Variants in RAB37 observed in about 807,000 individuals in gnomAD.
The protein encoded by RAB37 is RAB37, member RAS oncogene family, also known as ras-related protein Rab-37.
In RAB37, 29 loss-of-function variants were observed where a neutral mutation model predicts 33.1. The observed-to-expected ratio is 0.88, with a 90% CI of 0.65 to 1.20. RAB37 has a LOEUF of 1.20. Among genes scored for constraint, RAB37 ranks in the 50% most tolerant of loss-of-function variants. RAB37 has a pLI of 0.00. For synonymous variants in RAB37, 128 were observed against 119.5 expected (o/e 1.07, Z -0.47); for missense variants, 299 against 301.1 (o/e 0.99, Z 0.05).
chr17:74,744,522 C>G lies in RAB37; in HGVS notation c.432+149C>G. On this transcript the variant is annotated intron_variant, in intron 6 of 8. Transcript: ENST00000392613. The surrounding 1 kb of genome is among the most constrained non-coding windows in gnomAD (Gnocchi z 4.2). Reference sequence around the variant, plus strand: ...AGGGGTCAGACATATCTGGAGGCTTCTGCCCATCCCATCTGCCCCTTCCAG... The same window carrying G: ...AGGGGTCAGACATATCTGGAGGCTTGTGCCCATCCCATCTGCCCCTTCCAG... The G allele has an allele frequency of 1.3e-6, 1 of 742,414 alleles. No individual in the cohort carries two copies. Among genetic ancestry groups the G allele is most frequent in the Non-Finnish European group, 2.3e-6 (1 of 438,620 alleles). 46.0% of individuals were successfully genotyped at this position (742,414 alleles called of 1,614,324 possible).
At chr17:74,712,737 CT>C in intron 1 of RAB37, 1 of 1,408,980 alleles carries the variant, frequency 7.1e-7, no homozygotes, top group Non-Finnish European at 1.0e-6. Flanking sequence ...TTAAGGACAC[CT>C]TCTGGCCGGG....
chr17:74,735,329 C>T (rs2034460048), upstream of RAB37, among the ~76,000 whole-genome samples: 1 of 152,150 alleles, frequency 6.6e-6, no homozygotes, highest in African/African-American at 2.4e-5. Flanking sequence ...CGCCTGAGGT[C>T]AGCAGTTCCA....
At chr17:74,679,052 A>C (rs891860547) in intron 1 of RAB37, among the ~76,000 whole-genome samples, 1 of 151,604 alleles carries the variant, frequency 6.6e-6, no homozygotes, top group Non-Finnish European at 1.5e-5. Context: ...CTGAGGTTGC[A>C]GTGAGCCGAG....
chr17:74,720,960 C>G (rs184936039), intron 1 of RAB37, among the ~76,000 whole-genome samples: 1 of 152,272 alleles, frequency 6.6e-6, no homozygotes, highest in African/African-American at 2.4e-5. Flanking sequence ...GATAACCGGG[C>G]TCCTCTCTGA....
rs1008218803 is a variant in RAB37 at position 74,742,136 on chromosome 17, C to T, written c.205-118C>T. ...CCTGATGGTATGATCTGGCTGGAGA[C>T]GGTTCTGGGGCTCACTGCACCCACT... On this transcript the variant is annotated intron_variant, in intron 2 of 8. Coordinates refer to ENST00000392613, the MANE Select transcript of RAB37 (RefSeq NM_001006638.3). The surrounding 1 kb of genome is among the most constrained non-coding windows in gnomAD (Gnocchi z 4.0). 5.2e-5 allele frequency: 65 copies of T among 1,244,092 alleles called. No homozygotes were observed. The highest frequency in any genetic ancestry group is 6.9e-5 in the Non-Finnish European group (61 of 884,980). 77.1% of individuals were successfully genotyped at this position (1,244,092 alleles called of 1,614,324 possible).
At chr17:74,685,104 TAAA>T (rs920024515) in intron 1 of RAB37, among the ~76,000 whole-genome samples, 1 of 139,006 alleles carries the variant, frequency 7.2e-6, no homozygotes, top group Non-Finnish European at 1.6e-5. Flanking sequence ...CATTTTGCCT[TAAA>T]AAAAAAAAAA....
At chr17:74,741,364 G>A (rs1021035297) in intron 2 of RAB37, among the ~76,000 whole-genome samples, 2 of 152,052 alleles carry the variant, frequency 1.3e-5, no homozygotes, top group African/African-American at 4.8e-5. Flanking sequence ...GAAGCGGTCA[G>A]ATCACAAGGT....
chr17:74,737,683 G>A (rs2034514044), intron 1 of RAB37, among the ~76,000 whole-genome samples: 1 of 152,186 alleles, frequency 6.6e-6, no homozygotes. Context: ...CGCAACTCTC[G>A]GGGCTCAGGC....
rs1336739650 is a variant in RAB37, at chr17:74,738,482, C to A, written c.93+1117C>A. Among the ~76,000 whole-genome samples, 2 of 152,186 alleles carry A rather than the reference C, an allele frequency of 1.3e-5. No homozygotes were observed. The highest frequency in any genetic ancestry group is 2.9e-5 in the Non-Finnish European group (2 of 68,032). On this transcript the variant is annotated intron_variant, in intron 1 of 8. Transcript: ENST00000392613. The surrounding 1 kb of genome is among the most constrained non-coding windows in gnomAD (Gnocchi z 5.0). Reference sequence around the variant, plus strand: ...TGCCTGACCTTGTTGCCCTGCAAACCAGCTGGGTTGTTTGCCTAGGAGGTG... The same window carrying A: ...TGCCTGACCTTGTTGCCCTGCAAACAAGCTGGGTTGTTTGCCTAGGAGGTG...
intron 1 of RAB37, among the ~76,000 whole-genome samples, chr17:74,709,410 A>G (rs1175593873): frequency 2.0e-5 from 3 of 152,168 alleles, no homozygotes; most frequent in African/African-American, 7.2e-5. Flanking sequence ...TGTCTATCAA[A>G]AACCTCAGCA....
chr17:74,694,016 C>G (rs2032224363), intron 1 of RAB37, among the ~76,000 whole-genome samples: 1 of 152,072 alleles, frequency 6.6e-6, no homozygotes, highest in African/African-American at 2.4e-5. Flanking sequence ...CACACACATG[C>G]AGACACATGC....
chr17:74,726,191 T>G (rs2034304723), intron 1 of RAB37, among the ~76,000 whole-genome samples: 1 of 147,628 alleles, frequency 6.8e-6, no homozygotes, highest in African/African-American at 2.5e-5. Context: ...GCCGAGATTG[T>G]GACACCGCAT....
intron 1 of RAB37, among the ~76,000 whole-genome samples, chr17:74,710,733 C>T (rs187283713): frequency 1.3e-5 from 2 of 151,400 alleles, no homozygotes; most frequent in African/African-American, 2.4e-5. Flanking sequence ...GCCAGGCATG[C>T]TGGCACACCT....
rs79329552 is a variant in RAB37, at chr17:74,693,583, G to A, written c.72+21925G>A. Among the ~76,000 whole-genome samples the A allele has an allele frequency of 5.1e-4, 78 of 152,270 alleles. No individual in the cohort carries two copies. In the East Asian group the frequency reaches 0.014, roughly 28 times the overall value. Reference sequence around the variant, plus strand: ...GTAACCACAGAGATGATGAGACGTGGTGGGGTTCAGGGTACTTTCTGGAAG... The same window carrying A: ...GTAACCACAGAGATGATGAGACGTGATGGGGTTCAGGGTACTTTCTGGAAG... On this transcript the variant is annotated intron_variant, in intron 1 of 7. Transcript: ENST00000340415.
intron 1 of RAB37, among the ~76,000 whole-genome samples, chr17:74,673,555 A>C (rs1049999902): frequency 1.3e-5 from 2 of 151,466 alleles, no homozygotes; most frequent in Non-Finnish European, 2.9e-5. Flanking sequence ...AAGCTTTAAG[A>C]TTGGGAGCTC....
At chr17:74,694,861 C>A in intron 1 of RAB37, 1 of 447,274 alleles carries the variant, frequency 2.2e-6, no homozygotes. Context: ...CAGAGCATAT[C>A]CCTAGCCCCC....
chr17:74,715,364 G>C (rs1423487569), intron 1 of RAB37, among the ~76,000 whole-genome samples: 1 of 152,192 alleles, frequency 6.6e-6, no homozygotes, highest in Non-Finnish European at 1.5e-5. Context: ...GCCAGAGATG[G>C]CTTCTCGCTT....
rs764185728 is a variant in RAB37 at position 74,744,347 on chromosome 17, G to A, written c.406G>A (p.Val136Met). 11 of 1,614,130 alleles carry A rather than the reference G, an allele frequency of 6.8e-6. No homozygotes were observed. The highest frequency in any genetic ancestry group is 8.5e-6 in the Non-Finnish European group (10 of 1,180,004). Residue 136 changes from valine (V) to methionine (M), a missense_variant, in exon 6 of 9, where the codon GTG becomes ATG. Transcript: ENST00000392613. This position sits in a 1 kb window ranked among gnomAD's most constrained non-coding sequence, Gnocchi z 4.2. ...TEIHEYAQRD[V>M]VIMLLGNKAD... ...GATTCATGAGTATGCCCAGAGGGAC[G>A]TGGTGATCATGCTGCTAGGCAACAA...
chr17:74,730,540 C>T lies in RAB37; in HGVS notation c.183+1174C>T, dbSNP rs544948856. ...CCCAGGGCTCTCCCCAGACTGGGAC[C>T]GGCTGGGCTCTGGTAGTGCTGAATA... On this transcript the variant is annotated intron_variant, in intron 2 of 7. Coordinates refer to the RAB37 transcript ENST00000340415. The surrounding 1 kb of genome is among the most constrained non-coding windows in gnomAD (Gnocchi z 4.4). Among the ~76,000 whole-genome samples, 11 of 152,258 alleles carry T rather than the reference C, an allele frequency of 7.2e-5. No individual in the cohort carries two copies. The highest frequency in any genetic ancestry group is 2.1e-4 in the South Asian group (1 of 4,824).
Sources: gnomAD v4.1 joint callset for allele counts (sites outside exome capture counted in the v4.1 genomes callset) on GRCh38, gnomAD v4.1.1 for gene constraint, Gnocchi (gnomAD v3.1) non-coding constraint, MANE v1.5 for transcripts, NCBI Gene and HGNC (gene_info 2026-07-23, HGNC 2026-07-21) for gene names.